Variants in BAZ1A observed in about 807,000 individuals in gnomAD.
BAZ1A encodes the protein bromodomain adjacent to zinc finger domain protein 1A.
A neutral mutation model predicts 185.2 loss-of-function variants in BAZ1A; 50 were observed. That is an observed-to-expected ratio of 0.27 (90% confidence interval 0.22 to 0.34). BAZ1A has a LOEUF of 0.34. Among genes scored for constraint, BAZ1A ranks in the 10% least tolerant of loss-of-function variants. The pLI is 1.00. For missense variants in BAZ1A, 1,356 were observed against 1,839.9 expected (o/e 0.74, Z 4.81); for synonymous variants, 571 against 615.6 (o/e 0.93, Z 1.07).
chr14:34,801,872 C>T (rs1290421356), intron 7 of BAZ1A, among the ~76,000 whole-genome samples: 1 of 148,246 alleles, frequency 6.7e-6, no homozygotes, highest in African/African-American at 2.5e-5. Context: ...TGCCACTGCA[C>T]TCCAGCATGG....
intron 3 of BAZ1A, among the ~76,000 whole-genome samples, chr14:34,852,223 T>C (rs2042609038): frequency 6.6e-6 from 1 of 152,194 alleles, no homozygotes; most frequent in Non-Finnish European, 1.5e-5. Flanking sequence ...TTGTTAACTT[T>C]TGGAGTTTCC....
intron 3 of BAZ1A, among the ~76,000 whole-genome samples, chr14:34,846,133 T>G (rs1025358354): frequency 1.3e-5 from 2 of 152,206 alleles, no homozygotes; most frequent in African/African-American, 2.4e-5. Flanking sequence ...GAACCATTAC[T>G]ATTCTACTTC....
At chr14:34,832,191 TACACAC>T (rs57379319) in intron 3 of BAZ1A, among the ~76,000 whole-genome samples, 7 of 96,558 alleles carry the variant, frequency 7.2e-5, no homozygotes, top group East Asian at 5.6e-4. Context: ...TATATACATA[TACACAC>T]ACACACACAC....
chr14:34,819,111 G>A (rs546846846), intron 4 of BAZ1A, among the ~76,000 whole-genome samples: 110 of 121,322 alleles, frequency 9.1e-4, no homozygotes, highest in African/African-American at 3.3e-3. Context: ...ACTGCACTCC[G>A]ACCTGGGCGA....
chr14:34,761,058 C>T (rs1886501637), intron 24 of BAZ1A, among the ~76,000 whole-genome samples: 1 of 151,654 alleles, frequency 6.6e-6, no homozygotes. Context: ...GTGGGTGGAT[C>T]ACCTGAGGTC....
At position 34,874,424 on chromosome 14, in the gene BAZ1A, G is replaced by C. The variant is rs1348930426; in HGVS notation, c.113+68C>G. On this transcript the variant is annotated intron_variant, in intron 2 of 26. Transcript: ENST00000360310. This position sits in a 1 kb window ranked among gnomAD's most constrained non-coding sequence, Gnocchi z 4.7. The stretch of plus-strand genomic sequence containing the variant: ...GAAGCCCAGGGCGAGGAAAAGGAGA[G>C]AGACAAAAGAGCGCTGCGGGGGGAG... The C allele has an allele frequency of 7.0e-7, 1 of 1,426,268 alleles. No individual in the cohort carries two copies. The highest frequency in any genetic ancestry group is 2.4e-5 in the East Asian group (1 of 42,188). The allele number at this position is 1,426,268 out of a possible 1,614,324, so 88.4% of individuals were successfully genotyped here. A position where few individuals can be genotyped will look rare whatever the true frequency, so the allele number is the denominator to read the frequency against.
intron 3 of BAZ1A, among the ~76,000 whole-genome samples, chr14:34,860,262 C>G (rs2042746253): frequency 6.6e-6 from 1 of 152,010 alleles, no homozygotes; most frequent in South Asian, 2.1e-4. Flanking sequence ...AATCCCAGCA[C>G]TTTGGGAGGC....
chr14:34,804,896 C>T (rs1881771706), intron 6 of BAZ1A, among the ~76,000 whole-genome samples: 4 of 152,210 alleles, frequency 2.6e-5, no homozygotes, highest in Admixed American at 2.0e-4. Context: ...GGTTATCAAA[C>T]TTTGTGTGCT....
intron 25 of BAZ1A, among the ~76,000 whole-genome samples, chr14:34,757,406 T>C (rs1343011370): frequency 4.2e-5 from 6 of 144,116 alleles, no homozygotes; most frequent in Admixed American, 3.6e-4. Context: ...GGCCCGTGCC[T>C]GTAATCTCAG....
intron 3 of BAZ1A, among the ~76,000 whole-genome samples, chr14:34,852,007 G>C (rs2042604867): frequency 1.3e-5 from 2 of 151,996 alleles, no homozygotes; most frequent in African/African-American, 4.8e-5. Context: ...GGTGCCTGTA[G>C]TCCCAGTTAC....
At chr14:34,753,887 G>A (rs1886125160) in intron 26 of BAZ1A, among the ~76,000 whole-genome samples, 183 bp from the exon 27 acceptor site, 1 of 152,050 alleles carries the variant, frequency 6.6e-6, no homozygotes, top group South Asian at 2.1e-4. Context: ...GGAGGCTGAG[G>A]CAGGAGGATC....
intron 14 of BAZ1A, among the ~76,000 whole-genome samples, chr14:34,785,373 G>A (rs528805498): frequency 1.1e-4 from 16 of 152,186 alleles, no homozygotes; most frequent in African/African-American, 2.6e-4. Context: ...ACTTGTACAT[G>A]CAATTTTTTA....
chr14:34,845,525 A>G (rs55979964), intron 3 of BAZ1A, among the ~76,000 whole-genome samples: 42,276 of 152,046 alleles, frequency 0.28, 6,401 homozygotes, highest in Non-Finnish European at 0.36. Context: ...CTTGTCCTCA[A>G]AATTATTTCA....
At chr14:34,814,544 C>T (rs570182538) in intron 4 of BAZ1A, among the ~76,000 whole-genome samples, 1 of 152,156 alleles carries the variant, frequency 6.6e-6, no homozygotes, top group South Asian at 2.1e-4. Flanking sequence ...TCACGGCTCA[C>T]TGCTGCTTCA....
intron 19 of BAZ1A, among the ~76,000 whole-genome samples, chr14:34,774,123 C>T (rs1488507077): frequency 6.6e-6 from 1 of 152,170 alleles, no homozygotes; most frequent in Non-Finnish European, 1.5e-5. Flanking sequence ...AAGAAAATAT[C>T]CTTACGCATT....
At chr14:34,790,814 T>C (rs1401155439) in intron 12 of BAZ1A, among the ~76,000 whole-genome samples, 1 of 152,144 alleles carries the variant, frequency 6.6e-6, no homozygotes, top group Non-Finnish European at 1.5e-5. Context: ...TTTAAAAAAC[T>C]CATAGATCAA....
chr14:34,792,777 T>C lies in BAZ1A; in HGVS notation c.1508A>G (p.Lys503Arg). Reference sequence around the variant, plus strand: ...CAGCAATAATGTTGAACTCTGACCTTTGGTGTCAGCATCAGTTAGTTGCTC... The same window carrying C: ...CAGCAATAATGTTGAACTCTGACCTCTGGTGTCAGCATCAGTTAGTTGCTC... ...AKEQLTDADT[K>R]DLTEALDEDA... The change falls in exon 12 of 27, where the codon AAA (lysine) becomes AGA (arginine). Residue 503 changes from lysine (K) to arginine (R), a missense_variant and splice_region_variant. By Grantham distance (26) the Lys-to-Arg change is conservative. Transcript: ENST00000360310. 1 of 1,613,754 alleles carries C rather than the reference T, an allele frequency of 6.2e-7. No individual in the cohort carries two copies. Among genetic ancestry groups the C allele is most frequent in the Non-Finnish European group, 8.5e-7 (1 of 1,179,930 alleles).
At chr14:34,772,898 C>T (rs979761390) in intron 20 of BAZ1A, among the ~76,000 whole-genome samples, 4 of 152,238 alleles carry the variant, frequency 2.6e-5, no homozygotes, top group Admixed American at 6.5e-5. Flanking sequence ...CGTGTTGGCA[C>T]GTGCCTGTAA....
chr14:34,753,580 A>G lies in BAZ1A; in HGVS notation c.4599T>C (p.Leu1533=). The change falls in exon 27 of 27, where the codon CTT becomes CTC. Residue 1533 remains leucine (L), a synonymous_variant. Coordinates refer to ENST00000360310, the MANE Select transcript of BAZ1A (RefSeq NM_013448.3). ...CATTACTGGGTGTGACGTGGAGTCCAAGCTTTTGAGCCTGAATATGAAAAA... is the reference window on the plus strand; with the variant it reads ...CATTACTGGGTGTGACGTGGAGTCCGAGCTTTTGAGCCTGAATATGAAAAA... ...QAFFHIQAQK[L]GLHVTPSNVD... 6.2e-7 allele frequency: 1 copy of G among 1,614,158 alleles called. No homozygotes were observed.
Sources: gnomAD v4.1 joint callset for allele counts (sites outside exome capture counted in the v4.1 genomes callset) on GRCh38, gnomAD v4.1.1 for gene constraint, Gnocchi (gnomAD v3.1) non-coding constraint, MANE v1.5 for transcripts, NCBI Gene and HGNC (gene_info 2026-07-23, HGNC 2026-07-21) for gene names.